Variants in CPED1 observed in about 807,000 individuals in gnomAD.
The protein encoded by CPED1 is cadherin-like and PC-esterase domain-containing protein 1.
Under a neutral mutation model 128.2 loss-of-function variants are expected in CPED1, and 114 were observed. The observed-to-expected ratio is 0.89, with a 90% CI of 0.76 to 1.04. CPED1 has a LOEUF of 1.04. Ranked by LOEUF, CPED1 falls within the 50% of genes least tolerant of loss-of-function variation. CPED1 has a pLI of 0.00. For missense variants in CPED1, 1,211 were observed against 1,207.1 expected (o/e 1.00, Z -0.05); for synonymous variants, 462 against 426.7 (o/e 1.08, Z -1.02).
chr7:121,125,891 A>G lies in CPED1; in HGVS notation c.1133A>G (p.Gln378Arg). 6.2e-7 allele frequency: 1 copy of G among 1,606,762 alleles called. No individual in the cohort carries two copies. The highest frequency in any genetic ancestry group is 8.5e-7 in the Non-Finnish European group (1 of 1,173,430). Residue 378 changes from glutamine to arginine, a missense_variant and splice_region_variant, in exon 9 of 23, where the codon CAG becomes CGG. Physicochemically the swap from Gln to Arg is conservative, Grantham distance 43. Transcript: ENST00000310396. ...YGSFMYPVVL[Q>R]VHEHLNFQDY... Reference sequence around the variant, plus strand: ...AGTTTCATGTACCCTGTAGTGCTCCAGGTCAGTATGCCAAAGGCCTCATGT... The same window carrying G: ...AGTTTCATGTACCCTGTAGTGCTCCGGGTCAGTATGCCAAAGGCCTCATGT...
At chr7:121,101,541 T>C (rs1443561919) in intron 7 of CPED1, among the ~76,000 whole-genome samples, 1 of 152,200 alleles carries the variant, frequency 6.6e-6, no homozygotes, top group East Asian at 1.9e-4. Flanking sequence ...TCTGAGACAG[T>C]TCTTCAATCT....
chr7:121,157,713 C>G (rs1445457113), intron 16 of CPED1, among the ~76,000 whole-genome samples: 1 of 152,112 alleles, frequency 6.6e-6, no homozygotes, highest in East Asian at 1.9e-4. Context: ...ACCCATGAAT[C>G]AGGTATCAGA....
At chr7:121,134,842 A>C (rs1795750267) in intron 13 of CPED1, among the ~76,000 whole-genome samples, 1 of 152,020 alleles carries the variant, frequency 6.6e-6, no homozygotes, top group Admixed American at 6.6e-5. Flanking sequence ...AAATCTAAGA[A>C]AAGCTTTAAA....
intron 16 of CPED1, among the ~76,000 whole-genome samples, chr7:121,230,935 G>A (rs1270366456): frequency 6.6e-6 from 1 of 152,000 alleles, no homozygotes; most frequent in Admixed American, 6.6e-5. Context: ...TGAAATTGAG[G>A]TACATCTGAG....
chr7:121,086,349 CAG>C (rs1327150958), intron 5 of CPED1, among the ~76,000 whole-genome samples: 1 of 152,060 alleles, frequency 6.6e-6, no homozygotes, highest in Non-Finnish European at 1.5e-5. Flanking sequence ...CAGGTGTACT[CAG>C]AGTTTTAATT....
At chr7:121,153,859 C>T (rs1796217025) in intron 16 of CPED1, among the ~76,000 whole-genome samples, 1 of 152,070 alleles carries the variant, frequency 6.6e-6, no homozygotes, top group Non-Finnish European at 1.5e-5. Context: ...AACTCACAAA[C>T]CATCTGGCCT....
intron 16 of CPED1, among the ~76,000 whole-genome samples, chr7:121,209,583 T>C (rs1010060911): frequency 3.9e-5 from 6 of 151,956 alleles, no homozygotes; most frequent in African/African-American, 1.4e-4. Flanking sequence ...CCCCTATCTC[T>C]CACTATACAC....
At chr7:121,143,176 G>C (rs1199618030) in intron 16 of CPED1, among the ~76,000 whole-genome samples, 2 of 151,922 alleles carry the variant, frequency 1.3e-5, no homozygotes, top group African/African-American at 4.8e-5. Flanking sequence ...TTCAAAGAAA[G>C]ACAAATATGT....
At chr7:121,063,381 G>GAAAAAAAAAAAAAAAAAAAA (rs368502123) in intron 4 of CPED1, among the ~76,000 whole-genome samples, 64 of 66,996 alleles carry the variant, frequency 9.6e-4, no homozygotes, top group Non-Finnish European at 1.1e-3. Flanking sequence ...TGAAGAAACT[G>GAAAAAAAAAAAAAAAAAAAA]AAAAAAAAAA....
chr7:121,124,721 G>C (rs1558541), intron 8 of CPED1, among the ~76,000 whole-genome samples: 65,308 of 151,972 alleles, frequency 0.43, 15,541 homozygotes, highest in East Asian at 0.84. Context: ...CATTTTCAAA[G>C]TTAATCTTTT....
At chr7:121,137,628 C>A (rs1795813235) in intron 14 of CPED1, among the ~76,000 whole-genome samples, 1 of 151,874 alleles carries the variant, frequency 6.6e-6, no homozygotes, top group Non-Finnish European at 1.5e-5. Context: ...CGTATATAGC[C>A]AATTAAAGAA....
intron 16 of CPED1, among the ~76,000 whole-genome samples, chr7:121,192,054 A>G (rs1163585217): frequency 1.3e-5 from 2 of 152,140 alleles, no homozygotes; most frequent in African/African-American, 4.8e-5. Context: ...AGAAGCAGAA[A>G]GTAATGAAAT....
intron 7 of CPED1, among the ~76,000 whole-genome samples, chr7:121,117,748 T>C (rs1307592065): frequency 2.0e-5 from 3 of 152,124 alleles, no homozygotes; most frequent in African/African-American, 7.2e-5. Context: ...ACTTCACCTT[T>C]CATACGGATC....
chr7:121,262,659 A>G (rs1792043835), intron 18 of CPED1, among the ~76,000 whole-genome samples: 1 of 152,116 alleles, frequency 6.6e-6, no homozygotes, highest in South Asian at 2.1e-4. Flanking sequence ...ATGCCTAGTC[A>G]TAAATATTTG....
intron 3 of CPED1, among the ~76,000 whole-genome samples, chr7:121,030,356 C>CCCGTAGAGT (rs1394439764): frequency 3.3e-5 from 5 of 152,174 alleles, no homozygotes; most frequent in Non-Finnish European, 5.9e-5. Flanking sequence ...GTTCCAGTTA[C>CCCGTAGAGT]CCGTAGTCAA....
chr7:121,075,972 C>T (rs1794115124), intron 5 of CPED1, among the ~76,000 whole-genome samples: 1 of 152,114 alleles, frequency 6.6e-6, no homozygotes, highest in African/African-American at 2.4e-5. Flanking sequence ...GTTCAAGAGT[C>T]AGCTGTATTT....
intron 22 of CPED1, among the ~76,000 whole-genome samples, chr7:121,287,493 G>A (rs868102575): frequency 3.3e-5 from 5 of 152,146 alleles, no homozygotes; most frequent in Non-Finnish European, 7.4e-5. Flanking sequence ...GAAGCACCAA[G>A]TTTGTAACCA....
rs753389699 is a variant in CPED1, at chr7:121,266,237, T to C, written c.2321T>C (p.Ile774Thr). ...CTCTTTAACTTATAGATTCTGTTCATTGGAGATTCAACCAACAGAGGGATC... is the reference window on the plus strand; with the variant it reads ...CTCTTTAACTTATAGATTCTGTTCACTGGAGATTCAACCAACAGAGGGATC... ...QCLGGRKILF[I>T]GDSTNRGIMY... Residue 774 changes from isoleucine to threonine, a missense_variant, in exon 19 of 23, where the codon ATT becomes ACT. Coordinates refer to ENST00000310396, the MANE Select transcript of CPED1 (RefSeq NM_024913.5). 1.2e-5 allele frequency: 20 copies of C among 1,610,732 alleles called. No homozygotes were observed. The highest frequency in any genetic ancestry group is 1.7e-4 in the Middle Eastern group (1 of 6,038).
At chr7:121,276,675 A>G (rs1792336237) in intron 22 of CPED1, among the ~76,000 whole-genome samples, 1 of 152,152 alleles carries the variant, frequency 6.6e-6, no homozygotes, top group African/African-American at 2.4e-5. Context: ...TTGAAGGATG[A>G]ACAGGACTTA....
Sources: allele counts gnomAD v4.1 joint callset (sites outside exome capture counted in the v4.1 genomes callset), GRCh38; gene constraint gnomAD v4.1.1; transcripts MANE v1.5; gene names NCBI Gene and HGNC (gene_info 2026-07-23, HGNC 2026-07-21).